Variants in FRAS1 observed in about 807,000 individuals in gnomAD.
The protein encoded by FRAS1 is Fraser extracellular matrix complex subunit 1.
A neutral mutation model predicts 435.2 loss-of-function variants in FRAS1; 290 were observed. That is an observed-to-expected ratio of 0.67 (90% CI 0.61 to 0.73). FRAS1 has a LOEUF of 0.73. FRAS1 is among the 30% of genes least tolerant of loss of function. The probability of loss-of-function intolerance (pLI) is 0.00; values close to 1 mark genes in which losing one functional copy is unlikely to be tolerated. For synonymous variants in FRAS1, 1,800 were observed against 1,851.0 expected, an observed-to-expected ratio of 0.97 and a Z score of 0.71; for missense variants, 4,860 against 5,001.5, an observed-to-expected ratio of 0.97 and a Z score of 0.85.
chr4:78,177,343 A>G (rs150137225), intron 2 of FRAS1, among the ~76,000 whole-genome samples: 28 of 152,334 alleles, frequency 1.8e-4, no homozygotes, highest in African/African-American at 6.5e-4. Flanking sequence ...ATGTTATTCT[A>G]AATGGTATTT....
At chr4:78,092,773 A>C (rs894422953) in intron 2 of FRAS1, among the ~76,000 whole-genome samples, 4 of 152,214 alleles carry the variant, frequency 2.6e-5, no homozygotes, top group Admixed American at 6.5e-5. Flanking sequence ...TTTTTCTGTG[A>C]AGCAAAATTT....
chr4:78,300,175 G>T (rs72864593), intron 14 of FRAS1, among the ~76,000 whole-genome samples: 3,060 of 152,134 alleles, frequency 0.02, 83 homozygotes, highest in African/African-American at 0.068. Context: ...GCATGTTAAG[G>T]GTAGAATTTG....
intron 20 of FRAS1, among the ~76,000 whole-genome samples, chr4:78,360,821 A>C (rs1731046953): frequency 6.6e-6 from 1 of 152,212 alleles, no homozygotes; most frequent in African/African-American, 2.4e-5. Context: ...AGATCAGATA[A>C]ATCCATAATT....
intron 58 of FRAS1, among the ~76,000 whole-genome samples, chr4:78,484,541 A>T (rs999109205): frequency 9.2e-5 from 14 of 152,160 alleles, no homozygotes; most frequent in Admixed American, 9.2e-4. Flanking sequence ...TCTTTGCCTA[A>T]CCCAAGGTAA....
At chr4:78,173,525 C>G (rs1262718778) in intron 2 of FRAS1, among the ~76,000 whole-genome samples, 1 of 152,200 alleles carries the variant, frequency 6.6e-6, no homozygotes, top group African/African-American at 2.4e-5. Flanking sequence ...CTGGGAAGCT[C>G]CCCCATTCCC....
chr4:78,296,742 G>T (rs1239832343), intron 14 of FRAS1, among the ~76,000 whole-genome samples: 1 of 152,102 alleles, frequency 6.6e-6, no homozygotes, highest in Non-Finnish European at 1.5e-5. Flanking sequence ...CTTTCCTGTA[G>T]TCTTTTCCAT....
At position 78,286,551 on chromosome 4, in the gene FRAS1, C is replaced by T; in HGVS notation, c.1534+12C>T. On this transcript the variant is annotated intron_variant, in intron 14 of 73. Coordinates refer to ENST00000512123, the MANE Select transcript of FRAS1 (RefSeq NM_025074.7). ...CCATTCCTGTGCAGGTAATCTCTGG[C>T]TGGGCCACAGTTGGGCCAGCTACCA... The T allele has an allele frequency of 6.2e-7, 1 of 1,609,900 alleles. No homozygotes were observed. Among genetic ancestry groups the T allele is most frequent in the Non-Finnish European group, 8.5e-7 (1 of 1,178,678 alleles).
chr4:78,078,069 C>A (rs1011829311), intron 2 of FRAS1, among the ~76,000 whole-genome samples: 13 of 152,066 alleles, frequency 8.5e-5, no homozygotes, highest in Admixed American at 8.5e-4. Context: ...AATATGCACA[C>A]TGTTTGGCTA....
In FRAS1 at chr4:78,139,674, C is replaced by T. The variant is rs142353819; in HGVS notation, c.108+73658C>T. ...AGAATGTGCTAAGCACTGAATTTTG[C>T]ATTAGCATAAATAGGATAATTTCTT... On this transcript the variant is annotated intron_variant, in intron 2 of 73. Coordinates refer to ENST00000512123, the MANE Select transcript of FRAS1 (RefSeq NM_025074.7). Among the ~76,000 whole-genome samples, 723 of 152,150 alleles carry T rather than the reference C, an allele frequency of 4.8e-3. 6 individuals are homozygous for T. The highest frequency in any genetic ancestry group is 0.017 in the African/African-American group (690 of 41,514).
intron 17 of FRAS1, among the ~76,000 whole-genome samples, chr4:78,318,406 A>T (rs956069353): frequency 1.3e-5 from 2 of 152,212 alleles, no homozygotes; most frequent in African/African-American, 4.8e-5. Flanking sequence ...CACAACCACC[A>T]TTTTTGCAAA....
At chr4:78,223,271 T>A (rs1423905932) in intron 2 of FRAS1, among the ~76,000 whole-genome samples, 1 of 152,126 alleles carries the variant, frequency 6.6e-6, no homozygotes, top group Admixed American at 6.5e-5. Flanking sequence ...GGGATCCACA[T>A]CCCTGGGGGT....
intron 2 of FRAS1, among the ~76,000 whole-genome samples, chr4:78,113,969 A>G (rs947943886): frequency 3.3e-5 from 5 of 152,012 alleles, no homozygotes; most frequent in African/African-American, 9.7e-5. Flanking sequence ...TAGGTCTAAC[A>G]TGTAAGTCTT....
chr4:78,220,842 T>C (rs1168060242), intron 2 of FRAS1, among the ~76,000 whole-genome samples: 1 of 152,206 alleles, frequency 6.6e-6, no homozygotes, highest in Non-Finnish European at 1.5e-5. Context: ...AGTAGCATTT[T>C]TTTCTTTTTC....
At chr4:78,509,264 T>C (rs538110590) in intron 63 of FRAS1, among the ~76,000 whole-genome samples, 98 of 152,348 alleles carry the variant, frequency 6.4e-4, no homozygotes, top group African/African-American at 2.2e-3. Flanking sequence ...GGTTACTTAA[T>C]CTCTCTGAGT....
At position 78,466,485 on chromosome 4, in the gene FRAS1, G is replaced by A. The variant is rs1253216623; in HGVS notation, c.7257+50G>A. 3.7e-6 allele frequency: 5 copies of A among 1,334,384 alleles called. No individual in the cohort carries two copies. In the East Asian group the frequency reaches 1.2e-4, roughly 32 times the overall value. 82.7% of individuals were successfully genotyped at this position (1,334,384 alleles called of 1,614,324 possible). A position where few individuals can be genotyped will look rare whatever the true frequency, so the allele number is the denominator to read the frequency against. On this transcript the variant is annotated intron_variant, in intron 50 of 73. Coordinates refer to ENST00000512123, the MANE Select transcript of FRAS1 (RefSeq NM_025074.7). Reference sequence around the variant, plus strand: ...GGTAGCCTAGCACTGCATGGCAGAGGCAGAACATGGAGTTTTACATCAAGC... The same window carrying A: ...GGTAGCCTAGCACTGCATGGCAGAGACAGAACATGGAGTTTTACATCAAGC...
intron 35 of FRAS1, among the ~76,000 whole-genome samples, chr4:78,428,527 G>A (rs755516864): frequency 6.6e-6 from 1 of 152,084 alleles, no homozygotes; most frequent in African/African-American, 2.4e-5. Context: ...GTTTCATCGT[G>A]TTAGCCAGGA....
chr4:78,365,738 A>T (rs1409082500), intron 22 of FRAS1, among the ~76,000 whole-genome samples: 102 of 61,936 alleles, frequency 1.6e-3, no homozygotes, highest in African/African-American at 8.3e-3. Flanking sequence ...CTAGTACATT[A>T]AAAAAAAAAA....
At chr4:78,451,948 T>G in intron 46 of FRAS1, 57 bp downstream of exon 46, 1 of 1,519,572 alleles carries the variant, frequency 6.6e-7, no homozygotes, top group Non-Finnish European at 8.9e-7. Flanking sequence ...TGAGGTTATA[T>G]AGTTTACACT....
At position 78,432,548 on chromosome 4, in the gene FRAS1, A is replaced by G. The variant is rs1471419963; in HGVS notation, c.5161A>G (p.Ile1721Val). The G allele has an allele frequency of 1.2e-6, 2 of 1,611,634 alleles. No homozygotes were observed. The highest frequency in any genetic ancestry group is 2.2e-5 in the East Asian group (1 of 44,848). ...ACTGGCTGCTGGCTCCTCTCTGAGC[A>G]TTACTGTTGCCAGTAAAAGCACAGC... Reference protein sequence around the residue: ...PRLAAGSSLSITVASKSTAII... With the variant: ...PRLAAGSSLSVTVASKSTAII... The change falls in exon 38 of 74, where the codon ATT becomes GTT. Residue 1721 changes from isoleucine (I) to valine (V), a missense_variant. Transcript: ENST00000512123.
Sources: allele counts gnomAD v4.1 joint callset (sites outside exome capture counted in the v4.1 genomes callset), GRCh38; gene constraint gnomAD v4.1.1; transcripts MANE v1.5; gene names NCBI Gene and HGNC (gene_info 2026-07-23, HGNC 2026-07-21).